Variants in ARB2A observed in about 807,000 individuals in gnomAD.
ARB2A encodes cotranscriptional regulator ARB2A.
the ARB2A span, among the ~76,000 whole-genome samples, chr5:94,004,710 A>C: frequency 2.0e-5 from 3 of 152,100 alleles, no homozygotes; most frequent in Admixed American, 2.0e-4. Flanking sequence ...TCAATTCCCC[A>C]TGAATACTGA....
At chr5:93,718,488 A>G in the ARB2A span, among the ~76,000 whole-genome samples, 2 of 152,152 alleles carry the variant, frequency 1.3e-5, no homozygotes, top group South Asian at 4.1e-4. Context: ...TTTTGTATCC[A>G]AAACTCAGAA....
chr5:93,777,644 T>C, the ARB2A span, among the ~76,000 whole-genome samples: 1 of 152,146 alleles, frequency 6.6e-6, no homozygotes, highest in Non-Finnish European at 1.5e-5. Flanking sequence ...TGATTGCTAT[T>C]CTGGTAAACA....
the ARB2A span, among the ~76,000 whole-genome samples, chr5:93,995,015 A>T: frequency 1.0e-3 from 152 of 152,268 alleles, 1 homozygote; most frequent in Non-Finnish European, 1.9e-3. Context: ...ATACAAAAAA[A>T]ATCTATTATA....
the ARB2A span, among the ~76,000 whole-genome samples, chr5:93,937,383 A>G: frequency 2.0e-5 from 3 of 151,306 alleles, no homozygotes; most frequent in Non-Finnish European, 4.4e-5. Context: ...TGGGTGGATC[A>G]TGAGGTTAAG....
chr5:94,055,986 A>T, the ARB2A span: 1 of 797,746 alleles, frequency 1.3e-6, no homozygotes, highest in African/African-American at 1.9e-5. Context: ...GATCATCACA[A>T]TCCTATGAAA....
At chr5:93,988,616 A>C in the ARB2A span, among the ~76,000 whole-genome samples, 1 of 152,188 alleles carries the variant, frequency 6.6e-6, no homozygotes, top group Non-Finnish European at 1.5e-5. Context: ...CCAGACTTTA[A>C]ATTTTCAAAG....
At chr5:93,830,311 G>GTGTATGTATATATATATA in the ARB2A span, among the ~76,000 whole-genome samples, 1 of 82,260 alleles carries the variant, frequency 1.2e-5, no homozygotes, top group Non-Finnish European at 2.4e-5. Flanking sequence ...GTGTGTGTGT[G>GTGTATGTATATATATATA]TATATATATA....
the ARB2A span, among the ~76,000 whole-genome samples, chr5:93,847,176 G>A: frequency 3.9e-5 from 6 of 152,146 alleles, no homozygotes; most frequent in African/African-American, 1.4e-4. Context: ...TCATGAGATT[G>A]CAGCAATTCA....
the ARB2A span, among the ~76,000 whole-genome samples, chr5:93,765,047 A>T: frequency 6.6e-6 from 1 of 152,200 alleles, no homozygotes; most frequent in African/African-American, 2.4e-5. Flanking sequence ...ACGTATCTTA[A>T]AATAATAAGA....
chr5:94,006,752 C>T, the ARB2A span, among the ~76,000 whole-genome samples: 2 of 152,078 alleles, frequency 1.3e-5, no homozygotes, highest in South Asian at 4.1e-4. Flanking sequence ...GAGGAGTATA[C>T]ATTTTTAAAG....
chr5:93,871,643 T>C, the ARB2A span, among the ~76,000 whole-genome samples: 33 of 152,314 alleles, frequency 2.2e-4, no homozygotes, highest in African/African-American at 7.7e-4. Flanking sequence ...AAGCCAGACA[T>C]TAGATTTTCA....
chr5:93,747,903 AC>A, the ARB2A span, among the ~76,000 whole-genome samples: 2 of 152,158 alleles, frequency 1.3e-5, no homozygotes, highest in Non-Finnish European at 2.9e-5. Flanking sequence ...TTGAATATTC[AC>A]CTATACAATC....
chr5:93,752,422 T>C, the ARB2A span, among the ~76,000 whole-genome samples: 1,880 of 152,266 alleles, frequency 0.012, 33 homozygotes, highest in African/African-American at 0.043. Context: ...ATTCCAAAAA[T>C]AATTAGTTAA....
chr5:93,642,530 C>T, the ARB2A span, among the ~76,000 whole-genome samples: 2 of 152,112 alleles, frequency 1.3e-5, no homozygotes, highest in African/African-American at 2.4e-5. Flanking sequence ...CACCATCACG[C>T]CTGGCTAATT....
chr5:93,914,877 C>T, the ARB2A span, among the ~76,000 whole-genome samples: 1 of 151,824 alleles, frequency 6.6e-6, no homozygotes, highest in African/African-American at 2.4e-5. Context: ...TATAATGCTG[C>T]TTCGATAATC....
chr5:93,952,828 C>A, the ARB2A span, among the ~76,000 whole-genome samples: 1 of 152,082 alleles, frequency 6.6e-6, no homozygotes, highest in Non-Finnish European at 1.5e-5. Flanking sequence ...AGGCATTTTT[C>A]TAGAGTCTTC....
the ARB2A span, among the ~76,000 whole-genome samples, chr5:94,097,250 T>C: frequency 1.4e-4 from 22 of 152,324 alleles, no homozygotes; most frequent in East Asian, 2.9e-3. Flanking sequence ...TACCAGCCTC[T>C]ACCAGTCACT....
chr5:93,849,191 T>C, the ARB2A span, among the ~76,000 whole-genome samples: 3 of 152,124 alleles, frequency 2.0e-5, no homozygotes, highest in South Asian at 6.2e-4. Context: ...AGGCCAAACC[T>C]TGGGGGTCTT....
At chr5:93,683,332 C>T in the ARB2A span, 1 of 1,604,204 alleles carries the variant, frequency 6.2e-7, no homozygotes, top group Non-Finnish European at 8.5e-7. Flanking sequence ...CATCCTCCTC[C>T]TCTTCATCTT....
Sources: gnomAD v4.1 joint callset for allele counts (sites outside exome capture counted in the v4.1 genomes callset) on GRCh38, gnomAD v4.1.1 for gene constraint, MANE v1.5 for transcripts, NCBI Gene and HGNC (gene_info 2026-07-23, HGNC 2026-07-21) for gene names.